Variants in MACROD2 observed in about 807,000 individuals in gnomAD.
MACROD2 encodes the protein ADP-ribose glycohydrolase MACROD2.
In MACROD2, 36 loss-of-function variants were observed where a neutral mutation model predicts 70.4. The ratio of observed to expected loss-of-function variants is 0.51; its 90% confidence interval spans 0.39 to 0.68. The LOEUF (loss-of-function observed/expected upper bound fraction) is 0.68, where lower values mean the gene tolerates loss of function less well. Among genes scored for constraint, MACROD2 ranks in the 30% least tolerant of loss-of-function variants. The pLI is 0.00. For missense variants in MACROD2, 496 were observed against 538.4 expected (o/e 0.92, Z 0.78); for synonymous variants, 172 against 178.8 (o/e 0.96, Z 0.30).
At chr20:15,327,292 C>T (rs1369618355) in intron 6 of MACROD2, among the ~76,000 whole-genome samples, 1 of 152,142 alleles carries the variant, frequency 6.6e-6, no homozygotes, top group Admixed American at 6.5e-5. Context: ...ACAGGGATTG[C>T]ACCTCTCACA....
intron 4 of MACROD2, among the ~76,000 whole-genome samples, chr20:14,502,016 A>G (rs983938409): frequency 6.6e-6 from 1 of 152,220 alleles, no homozygotes; most frequent in African/African-American, 2.4e-5. Context: ...TAAAACTATA[A>G]AAAAGAGAAG....
intron 3 of MACROD2, among the ~76,000 whole-genome samples, chr20:14,206,096 C>T (rs541905092): frequency 1.8e-4 from 27 of 151,966 alleles, no homozygotes; most frequent in South Asian, 1.2e-3. Context: ...TTAGCAATGT[C>T]GGGGGGTGGG....
chr20:14,843,806 A>G (rs1046326606), intron 5 of MACROD2, among the ~76,000 whole-genome samples: 3 of 152,078 alleles, frequency 2.0e-5, no homozygotes, highest in African/African-American at 7.2e-5. Flanking sequence ...ATGAGACTGT[A>G]CTTTTAATGT....
chr20:15,678,889 C>T (rs1166057236), intron 8 of MACROD2, among the ~76,000 whole-genome samples: 3 of 152,114 alleles, frequency 2.0e-5, no homozygotes, highest in African/African-American at 7.2e-5. Context: ...GGAATATTCC[C>T]ATCATGGCCA....
At chr20:14,712,011 G>T (rs1417342770) in intron 5 of MACROD2, among the ~76,000 whole-genome samples, 1 of 152,060 alleles carries the variant, frequency 6.6e-6, no homozygotes, top group Non-Finnish European at 1.5e-5. Context: ...AACTAGAAAA[G>T]AAAACTCTTT....
chr20:14,997,377 A>G (rs1195782951), intron 5 of MACROD2, among the ~76,000 whole-genome samples: 2 of 152,096 alleles, frequency 1.3e-5, no homozygotes, highest in South Asian at 2.1e-4. Context: ...TTGACCAAAG[A>G]GTCCTTGGGC....
At chr20:15,087,106 A>T (rs2075754759) in intron 5 of MACROD2, among the ~76,000 whole-genome samples, 1 of 141,504 alleles carries the variant, frequency 7.1e-6, no homozygotes, top group African/African-American at 2.5e-5. Context: ...TATCTCTCTT[A>T]TTTATCTTTC....
intron 5 of MACROD2, among the ~76,000 whole-genome samples, chr20:14,924,261 A>T (rs866206742): frequency 0.017 from 2,608 of 152,106 alleles, 68 homozygotes; most frequent in African/African-American, 0.058. Flanking sequence ...AAGCCTGGCC[A>T]AACATTGTCT....
chr20:14,281,302 A>G (rs2082304393), intron 3 of MACROD2, among the ~76,000 whole-genome samples: 1 of 152,234 alleles, frequency 6.6e-6, no homozygotes, highest in South Asian at 2.1e-4. Flanking sequence ...ACATCATGCT[A>G]AAAGAATACA....
chr20:14,553,809 G>GCAA, intron 4 of MACROD2, among the ~76,000 whole-genome samples: 1 of 152,142 alleles, frequency 6.6e-6, no homozygotes, highest in Non-Finnish European at 1.5e-5. Context: ...ACATGAGGTA[G>GCAA]GACCTGGTCC....
intron 3 of MACROD2, among the ~76,000 whole-genome samples, chr20:14,297,264 TA>T (rs2082435646): frequency 6.6e-6 from 1 of 151,692 alleles, no homozygotes; most frequent in Admixed American, 6.6e-5. Context: ...GATGTTCAAA[TA>T]AAAGGAAGAG....
Position 14,775,641 on chromosome 20 carries a change from A to G in MACROD2, c.418+90682A>G, listed in dbSNP as rs76391067. ...CCATCAACACTGGGGGTCACATTTC[A>G]ACATGCGATTTGGAGGGGACAAACA... On this transcript the variant is annotated intron_variant, in intron 5 of 17. Coordinates refer to ENST00000684519, the MANE Select transcript of MACROD2 (RefSeq NM_001351661.2). Among the ~76,000 whole-genome samples, 921 of 152,048 alleles carry G rather than the reference A, an allele frequency of 6.1e-3. 17 individuals carry two copies. The highest frequency in any genetic ancestry group is 0.021 in the African/African-American group (880 of 41,432).
At chr20:14,863,638 C>G (rs932593706) in intron 5 of MACROD2, among the ~76,000 whole-genome samples, 15 of 151,886 alleles carry the variant, frequency 9.9e-5, no homozygotes, top group African/African-American at 3.6e-4. Context: ...ACATATCTGG[C>G]TTAATATATA....
intron 5 of MACROD2, among the ~76,000 whole-genome samples, chr20:14,698,138 C>T (rs2071148251): frequency 6.6e-6 from 1 of 152,132 alleles, no homozygotes; most frequent in African/African-American, 2.4e-5. Flanking sequence ...TCTTCTTGCA[C>T]AGATACTTAA....
At position 14,224,458 on chromosome 20, in the gene MACROD2, A is replaced by G. The variant is rs564417986; in HGVS notation, c.271+138730A>G. Among the ~76,000 whole-genome samples, 3 of 152,198 alleles carry G rather than the reference A, an allele frequency of 2.0e-5. No individual in the cohort carries two copies. In the East Asian group the frequency reaches 5.8e-4, roughly 29 times the overall value. ...GGGCCTGGCCTCTTCCTATAACCCT[A>G]AGCTCCACTTTGATCCCAGCCTACT... is the stretch of plus-strand genomic sequence containing the variant. On this transcript the variant is annotated intron_variant, in intron 3 of 17. Coordinates refer to ENST00000684519, the MANE Select transcript of MACROD2 (RefSeq NM_001351661.2).
rs11471470 is a variant in MACROD2, at chr20:15,410,653, T to TCACA, written c.541-20735_541-20732dup. On this transcript the variant is annotated intron_variant, in intron 6 of 17. Transcript: ENST00000684519. ...CAAGCAATTCTCAGACTGAATTCTG[T>TCACA]CACACACACACACACACACAAAGCA... Among the ~76,000 whole-genome samples the TCACA allele has an allele frequency of 1.3e-3, 194 of 150,730 alleles. 1 individual carries two copies. In the East Asian group the frequency reaches 0.023, roughly 18 times the overall value.
chr20:15,257,680 G>A (rs1203949326), intron 6 of MACROD2, among the ~76,000 whole-genome samples: 1 of 151,990 alleles, frequency 6.6e-6, no homozygotes, highest in Non-Finnish European at 1.5e-5. Context: ...TGTGCTGTCA[G>A]TCACACATTT....
chr20:15,372,938 A>T (rs1892094418), intron 6 of MACROD2, among the ~76,000 whole-genome samples: 1 of 152,050 alleles, frequency 6.6e-6, no homozygotes, highest in South Asian at 2.1e-4. Flanking sequence ...TATAGTCCCA[A>T]TTGCTTGGGA....
intron 2 of MACROD2, among the ~76,000 whole-genome samples, chr20:14,050,536 A>G (rs1340524244): frequency 7.7e-6 from 1 of 130,270 alleles, no homozygotes; most frequent in African/African-American, 2.9e-5. Context: ...AACCCAGGCC[A>G]GTTAGATAGT....
Sources: gnomAD v4.1 joint callset for allele counts (sites outside exome capture counted in the v4.1 genomes callset) on GRCh38, gnomAD v4.1.1 for gene constraint, MANE v1.5 for transcripts, NCBI Gene and HGNC (gene_info 2026-07-23, HGNC 2026-07-21) for gene names.